Variants in SP100 observed in about 807,000 individuals in gnomAD.
SP100 encodes SP100 nuclear body protein, also known as nuclear autoantigen Sp-100.
Under a neutral mutation model 130.0 loss-of-function variants are expected in SP100, and 84 were observed. That is an observed-to-expected ratio of 0.65 (90% CI 0.54 to 0.77). The LOEUF (loss-of-function observed/expected upper bound fraction) is 0.77. Ranked by LOEUF, SP100 falls within the 30% of genes least tolerant of loss-of-function variation. SP100 has a pLI of 0.00. For synonymous variants in SP100, 331 were observed against 351.7 expected (o/e 0.94, Z 0.66); for missense variants, 978 against 1,052.2 (o/e 0.93, Z 0.97).
chr2:230,503,665 A>G (rs983152753), intron 20 of SP100, among the ~76,000 whole-genome samples: 2 of 152,174 alleles, frequency 1.3e-5, no homozygotes, highest in African/African-American at 4.8e-5. Flanking sequence ...AACCCCCCAC[A>G]CCAAGCTTCC....
At chr2:230,494,903 C>T (rs1295575311) in intron 18 of SP100, among the ~76,000 whole-genome samples, 2 of 152,190 alleles carry the variant, frequency 1.3e-5, no homozygotes, top group South Asian at 2.1e-4. Context: ...TAACGCTGGC[C>T]GGGCAGTCCT....
intron 8 of SP100, among the ~76,000 whole-genome samples, chr2:230,456,125 C>T (rs77364921): frequency 0.015 from 2,299 of 152,116 alleles, 64 homozygotes; most frequent in African/African-American, 0.052. Flanking sequence ...TTTGTTTTCC[C>T]GGGACGGTCT....
At chr2:230,494,713 T>C (rs2066570267) in intron 18 of SP100, among the ~76,000 whole-genome samples, 4 of 152,134 alleles carry the variant, frequency 2.6e-5, no homozygotes, top group Admixed American at 2.6e-4. Context: ...CAACTGTGGG[T>C]CCACAAGGGC....
chr2:230,453,747 C>T (rs1166273963), intron 8 of SP100, among the ~76,000 whole-genome samples: 2 of 152,050 alleles, frequency 1.3e-5, no homozygotes, highest in Non-Finnish European at 2.9e-5. Context: ...AGGATAGTGG[C>T]CTATAATTTT....
intron 23 of SP100, chr2:230,510,357 G>C (rs1241391448): frequency 6.6e-6 from 1 of 152,310 alleles, no homozygotes; most frequent in African/African-American, 2.4e-5. Flanking sequence ...AAGGGTTAGA[G>C]TTATTCCTGG....
chr2:230,544,167 A>G lies in SP100; in HGVS notation c.*1221A>G, dbSNP rs1692257099. ...TCAAGATCAATTAAAGACTTAATGT[A>G]AAATCAAAAACTATGAAGACTCTGG... On this transcript the variant is annotated 3_prime_UTR_variant, in exon 29 of 29. Coordinates refer to ENST00000340126, the MANE Select transcript of SP100 (RefSeq NM_001080391.2). 1 of 152,224 alleles carries G rather than the reference A, an allele frequency of 6.6e-6. No homozygotes were observed. The highest frequency in any genetic ancestry group is 2.4e-5 in the African/African-American group (1 of 41,472). The allele number at this position is 152,224 out of a possible 1,614,324, so 9.4% of individuals were successfully genotyped here.
In SP100 at chr2:230,430,107, C is replaced by T. The variant is rs1368337884; in HGVS notation, c.107+12442C>T. Among the ~76,000 whole-genome samples, 7 of 152,272 alleles carry T rather than the reference C, an allele frequency of 4.6e-5. No individual in the cohort carries two copies. The South Asian group carries it at 6.2e-4, about 14-fold the overall frequency. On this transcript the variant is annotated intron_variant, in intron 2 of 28. Transcript: ENST00000340126. Reference sequence around the variant, plus strand: ...TCTTCCAGGCTTTATAAGTTTGTTTCGGCAGGGAAAGCCCTTCACTAGTCA... The same window carrying T: ...TCTTCCAGGCTTTATAAGTTTGTTTTGGCAGGGAAAGCCCTTCACTAGTCA...
At chr2:230,481,067 C>T (rs912874077) in intron 17 of SP100, among the ~76,000 whole-genome samples, 3 of 148,372 alleles carry the variant, frequency 2.0e-5, no homozygotes, top group African/African-American at 2.5e-5. Context: ...GTGTTGGTCC[C>T]TTCGTGGCTT....
rs901982923 is a variant in SP100, at chr2:230,454,781, A to G, written c.820+4526A>G. On this transcript the variant is annotated intron_variant, in intron 8 of 28. Coordinates refer to ENST00000340126, the MANE Select transcript of SP100 (RefSeq NM_001080391.2). The stretch of plus-strand genomic sequence containing the variant: ...TCTGCTTGTAGATAAAATATTCTAT[A>G]TATGCCTTTTAGGTCCTCTTGGTCT... Among the ~76,000 whole-genome samples, 4 of 152,278 alleles carry G rather than the reference A, an allele frequency of 2.6e-5. No individual in the cohort carries two copies. In the South Asian group the frequency reaches 8.3e-4, roughly 32 times the overall value.
intron 28 of SP100, among the ~76,000 whole-genome samples, chr2:230,542,545 A>T (rs1354304296): frequency 1.3e-5 from 2 of 152,234 alleles, no homozygotes; most frequent in Admixed American, 6.5e-5. Flanking sequence ...CTGTACTATC[A>T]TAAGGTTACT....
At chr2:230,481,354 T>G (rs2031494071) in intron 17 of SP100, among the ~76,000 whole-genome samples, 1 of 152,196 alleles carries the variant, frequency 6.6e-6, no homozygotes, top group Non-Finnish European at 1.5e-5. Flanking sequence ...GTCATCCTCA[T>G]CAGTAATCCT....
chr2:230,461,470 C>T (rs1287099042), intron 9 of SP100, 56 bp downstream of exon 9: 2 of 1,575,548 alleles, frequency 1.3e-6, no homozygotes, highest in East Asian at 4.5e-5. Flanking sequence ...AGGTAAGGGG[C>T]TCAGGGACTT....
At chr2:230,541,792 T>A in intron 27 of SP100, 100 bp from the exon 28 acceptor site, 2 of 1,321,722 alleles carry the variant, frequency 1.5e-6, no homozygotes, top group Non-Finnish European at 2.1e-6. Context: ...GGTTAGGATT[T>A]TGACCTATGG....
At chr2:230,462,961 C>A (rs1266899328) in intron 10 of SP100, among the ~76,000 whole-genome samples, 2 of 152,232 alleles carry the variant, frequency 1.3e-5, no homozygotes, top group African/African-American at 4.8e-5. Context: ...TCTCATCCAA[C>A]TATCTGGTGT....
At chr2:230,451,546 T>A (rs976419063) in intron 8 of SP100, among the ~76,000 whole-genome samples, 6 of 152,256 alleles carry the variant, frequency 3.9e-5, no homozygotes, top group African/African-American at 1.4e-4. Context: ...TGGATAATAA[T>A]CCTTATCAGA....
At chr2:230,541,125 T>C (rs753389086) in intron 26 of SP100, 129 bp downstream of exon 26, 1 of 1,284,364 alleles carries the variant, frequency 7.8e-7, no homozygotes, top group South Asian at 1.4e-5. Flanking sequence ...CTTTGCTCCA[T>C]GACCTAACGC....
At position 230,449,658 on chromosome 2, in the gene SP100, G is replaced by A. The variant is rs77629037; in HGVS notation, c.684G>A (p.Ser228=). The change falls in exon 7 of 29, where the codon TCG becomes TCA. Residue 228 remains serine, a synonymous_variant. Transcript: ENST00000340126. ...RKDTTSDKDD[S]LGSQQTNEQC... The stretch of plus-strand genomic sequence containing the variant: ...ATACAACCAGTGACAAAGATGATTC[G>A]CTAGGAAGCCAACAAACAAATGAAC... The A allele has an allele frequency of 1.2e-3, 1,993 of 1,614,094 alleles. 13 individuals carry two copies. In the African/African-American group the frequency reaches 0.021, roughly 17 times the overall value.
At chr2:230,455,060 TTTC>T (rs1410054310) in intron 8 of SP100, among the ~76,000 whole-genome samples, 4 of 152,136 alleles carry the variant, frequency 2.6e-5, no homozygotes, top group Non-Finnish European at 5.9e-5. Flanking sequence ...TTTCTTTTTG[TTTC>T]TTTTGTTTTT....
intron 18 of SP100, 102 bp downstream of exon 18, chr2:230,494,562 C>T (rs554417179): frequency 6.7e-5 from 56 of 834,436 alleles, no homozygotes; most frequent in East Asian, 1.2e-4. Context: ...CTATGGGCCA[C>T]GGTAGCTTCA....
Sources: allele counts gnomAD v4.1 joint callset (sites outside exome capture counted in the v4.1 genomes callset), GRCh38; gene constraint gnomAD v4.1.1; transcripts MANE v1.5; gene names NCBI Gene and HGNC (gene_info 2026-07-23, HGNC 2026-07-21).